Variants in NEURL1B observed in about 807,000 individuals in gnomAD.
NEURL1B encodes the protein E3 ubiquitin-protein ligase NEURL1B.
NEURL1B carries 13 observed loss-of-function variants against 37.4 expected under a neutral mutation model. The observed-to-expected ratio is 0.35, with a 90% CI of 0.23 to 0.55. The LOEUF (loss-of-function observed/expected upper bound fraction) is 0.55, where lower values mean the gene tolerates loss of function less well. Ranked by LOEUF, NEURL1B falls within the 20% of genes least tolerant of loss-of-function variation. The pLI, the probability that NEURL1B is intolerant of heterozygous loss-of-function variation, is 0.89. For synonymous variants in NEURL1B, 432 were observed against 426.6 expected (o/e 1.01, Z -0.16); for missense variants, 790 against 879.2 (o/e 0.90, Z 1.28).
At chr5:172,646,770 G>A (rs1757569133) in intron 1 of NEURL1B, among the ~76,000 whole-genome samples, 1 of 152,106 alleles carries the variant, frequency 6.6e-6, no homozygotes, top group Admixed American at 6.6e-5. Context: ...CTGTCTAGCT[G>A]AGCCCGTAAA....
intron 2 of NEURL1B, among the ~76,000 whole-genome samples, chr5:172,679,809 T>C (rs1421531356): frequency 6.6e-6 from 1 of 152,200 alleles, no homozygotes; most frequent in Non-Finnish European, 1.5e-5. Context: ...TATCTCCAGG[T>C]CGCAGCCTGT....
At chr5:172,662,532 A>G (rs886836545) in intron 1 of NEURL1B, among the ~76,000 whole-genome samples, 2 of 152,150 alleles carry the variant, frequency 1.3e-5, no homozygotes, top group Admixed American at 6.5e-5. Context: ...GGATTTTTCT[A>G]TGCTCTCATT....
intron 2 of NEURL1B, among the ~76,000 whole-genome samples, chr5:172,682,948 G>A (rs1026452199): frequency 1.3e-5 from 2 of 152,196 alleles, no homozygotes; most frequent in Admixed American, 6.5e-5. Flanking sequence ...GAGGTAGCGC[G>A]CGAAAGCTTA....
At chr5:172,664,488 T>TG (rs969053524) in intron 1 of NEURL1B, among the ~76,000 whole-genome samples, 26 of 126,738 alleles carry the variant, frequency 2.1e-4, no homozygotes, top group Non-Finnish European at 3.3e-4. Context: ...AGGCAGCGGG[T>TG]GGGGGGGACG....
At chr5:172,645,126 C>T (rs1246044704) in intron 1 of NEURL1B, among the ~76,000 whole-genome samples, 1 of 152,076 alleles carries the variant, frequency 6.6e-6, no homozygotes, top group African/African-American at 2.4e-5. Flanking sequence ...ATATCAAGCC[C>T]TTGGTCAAGG....
chr5:172,663,667 T>C (rs1292149652), intron 1 of NEURL1B, among the ~76,000 whole-genome samples: 1 of 151,686 alleles, frequency 6.6e-6, no homozygotes, highest in Non-Finnish European at 1.5e-5. Context: ...TTAGAGTCCC[T>C]GGCCTCAATT....
chr5:172,652,557 G>C (rs1757687137), intron 1 of NEURL1B, among the ~76,000 whole-genome samples: 2 of 152,176 alleles, frequency 1.3e-5, no homozygotes, highest in Admixed American at 1.3e-4. Flanking sequence ...GCTGTTTAGT[G>C]GTCCACAGAA....
chr5:172,656,129 T>C (rs1445185974), intron 1 of NEURL1B, among the ~76,000 whole-genome samples: 3 of 152,156 alleles, frequency 2.0e-5, no homozygotes, highest in Non-Finnish European at 4.4e-5. Context: ...AAACTAATTC[T>C]GACTGGCTAA....
chr5:172,654,728 G>C (rs1020646744), intron 1 of NEURL1B, among the ~76,000 whole-genome samples: 1 of 152,138 alleles, frequency 6.6e-6, no homozygotes, highest in African/African-American at 2.4e-5. Context: ...AGGGTACTGG[G>C]TTAGGGATTT....
chr5:172,668,232 C>T (rs899856821), intron 1 of NEURL1B, among the ~76,000 whole-genome samples: 1 of 152,214 alleles, frequency 6.6e-6, no homozygotes, highest in African/African-American at 2.4e-5. Context: ...GCTGTATTCC[C>T]AGTGCCTGGC....
At chr5:172,646,601 A>G (rs1476584696) in intron 1 of NEURL1B, among the ~76,000 whole-genome samples, 1 of 152,182 alleles carries the variant, frequency 6.6e-6, no homozygotes, top group Non-Finnish European at 1.5e-5. Flanking sequence ...TTGCATTTAC[A>G]GTTCTCCTGC....
chr5:172,660,604 T>C (rs1351049531), intron 1 of NEURL1B, among the ~76,000 whole-genome samples: 2 of 152,194 alleles, frequency 1.3e-5, no homozygotes, highest in Admixed American at 1.3e-4. Context: ...ACTGCCCCAT[T>C]TGGCAGAGGT....
At chr5:172,650,861 G>A (rs1757650249) in intron 1 of NEURL1B, among the ~76,000 whole-genome samples, 3 of 152,182 alleles carry the variant, frequency 2.0e-5, no homozygotes. Flanking sequence ...CTAATTTAAA[G>A]AGAATGATGG....
rs944176989 is a variant in NEURL1B, at chr5:172,670,163, T to A, written c.410T>A (p.Leu137Gln). 40 of 1,496,446 alleles carry A rather than the reference T, an allele frequency of 2.7e-5. No individual in the cohort carries two copies. The highest frequency in any genetic ancestry group is 3.4e-5 in the Non-Finnish European group (38 of 1,129,040). 92.7% of individuals were successfully genotyped at this position (1,496,446 alleles called of 1,614,324 possible). ...GYWAKALPEN[L>Q]ALRDTVLAYW... is the part of the protein sequence containing the mutation. ...TGGGCCAAGGCACTGCCCGAGAACCTGGCGCTGCGCGACACGGTGCTGGCC... is the reference window on the plus strand; with the variant it reads ...TGGGCCAAGGCACTGCCCGAGAACCAGGCGCTGCGCGACACGGTGCTGGCC... Residue 137 changes from leucine (L) to glutamine (Q), a missense_variant, in exon 2 of 5, where the codon CTG becomes CAG. By Grantham distance (113) the Leu-to-Gln change is moderately radical (BLOSUM62 -2). Around this residue, in one of 3 missense-constraint regions of NEURL1B, gnomAD observed 215 missense variants for 309.2 expected, o/e 0.70. Transcript: ENST00000369800.
At chr5:172,662,922 C>G (rs1389397610) in intron 1 of NEURL1B, among the ~76,000 whole-genome samples, 2 of 152,142 alleles carry the variant, frequency 1.3e-5, no homozygotes, top group African/African-American at 4.8e-5. Context: ...GCTGGAGCAG[C>G]CTGTGATTAA....
chr5:172,683,087 G>C lies in NEURL1B; in HGVS notation c.578-332G>C, dbSNP rs1758392467. ...TAATGATCAAAGTATGGAAACCTCG[G>C]AAAGAGGGAGAGAAGGGGAAAGGGT... is the stretch of plus-strand genomic sequence containing the variant. On this transcript the variant is annotated intron_variant, in intron 2 of 4. Coordinates refer to ENST00000369800, the MANE Select transcript of NEURL1B (RefSeq NM_001142651.3). This position sits in a 1 kb window ranked among gnomAD's most constrained non-coding sequence, Gnocchi z 5.6. Among the ~76,000 whole-genome samples, 1 of 152,118 alleles carries C rather than the reference G, an allele frequency of 6.6e-6. No homozygotes were observed. The highest frequency in any genetic ancestry group is 1.5e-5 in the Non-Finnish European group (1 of 68,014).
intron 1 of NEURL1B, among the ~76,000 whole-genome samples, chr5:172,663,637 C>T (rs573930299): frequency 6.6e-6 from 1 of 151,640 alleles, no homozygotes; most frequent in Admixed American, 6.6e-5. Context: ...TCACAGAAAC[C>T]GCACCTCCCC....
chr5:172,641,417 C>T lies in NEURL1B; in HGVS notation c.11C>T (p.Thr4Met). The change falls in exon 1 of 5, where the codon ACG becomes ATG. Residue 4 changes from threonine to methionine, a missense_variant. By Grantham distance (81) the Thr-to-Met change is moderately conservative (BLOSUM62 -1). Around this residue, in one of 3 missense-constraint regions of NEURL1B, gnomAD observed 215 missense variants for 309.2 expected, o/e 0.70. Coordinates refer to ENST00000369800, the MANE Select transcript of NEURL1B (RefSeq NM_001142651.3). The surrounding 1 kb of genome is among the most constrained non-coding windows in gnomAD (Gnocchi z 6.4). The stretch of plus-strand genomic sequence containing the variant: ...GCGCCCGACGCAGCGATGGGCAACA[C>T]GGTGCACCGGACCCTGCCAGGTACG... MGNTVHRTLPDPSP... is the reference protein window; with the variant it reads MGNMVHRTLPDPSP... The T allele has an allele frequency of 7.4e-7, 1 of 1,353,436 alleles. No homozygotes were observed. The highest frequency in any genetic ancestry group is 1.8e-5 in the South Asian group (1 of 56,818). 83.8% of individuals were successfully genotyped at this position (1,353,436 alleles called of 1,614,324 possible).
rs548254978 is a variant in NEURL1B, at chr5:172,665,832, C to T, written c.32-3953C>T. Among the ~76,000 whole-genome samples the T allele has an allele frequency of 2.6e-4, 39 of 152,278 alleles. No homozygotes were observed. The highest frequency in any genetic ancestry group is 9.1e-4 in the African/African-American group (38 of 41,550). On this transcript the variant is annotated intron_variant, in intron 1 of 4. Coordinates refer to ENST00000369800, the MANE Select transcript of NEURL1B (RefSeq NM_001142651.3). This position sits in a 1 kb window ranked among gnomAD's most constrained non-coding sequence, Gnocchi z 4.1. ...CAGGGCCTCCTCCAGGCCCCTAGTCCCCCCGGTGCCATCGCCTGAGATGGT... is the reference window on the plus strand; with the variant it reads ...CAGGGCCTCCTCCAGGCCCCTAGTCTCCCCGGTGCCATCGCCTGAGATGGT...
Sources: allele counts gnomAD v4.1 joint callset (sites outside exome capture counted in the v4.1 genomes callset), GRCh38; gene constraint gnomAD v4.1.1; regional missense constraint gnomAD v4.1.1; non-coding constraint Gnocchi (gnomAD v3.1); transcripts MANE v1.5; gene names NCBI Gene and HGNC (gene_info 2026-07-23, HGNC 2026-07-21).